The following LMTK3 variants were observed in gnomAD, a reference collection of about 807,000 sequenced individuals.
The protein encoded by LMTK3 is lemur tail kinase 3, also known as serine/threonine-protein kinase LMTK3.
LMTK3 carries 27 observed loss-of-function variants against 116.7 expected under a neutral mutation model. That is an observed-to-expected ratio of 0.23 (90% confidence interval 0.17 to 0.32). The LOEUF (loss-of-function observed/expected upper bound fraction) is 0.32. Ranked by LOEUF, LMTK3 falls within the 10% of genes least tolerant of loss-of-function variation. The pLI is 1.00. For synonymous variants in LMTK3, 965 were observed against 971.0 expected, an observed-to-expected ratio of 0.99 and a Z score of 0.11; for missense variants, 1,764 against 2,068.5, an observed-to-expected ratio of 0.85 and a Z score of 2.86.
chr19:48,511,076 A>G (rs2014702926), intron 1 of LMTK3, among the ~76,000 whole-genome samples: 1 of 152,016 alleles, frequency 6.6e-6, no homozygotes, highest in Admixed American at 6.5e-5. Flanking sequence ...CTTGGCGCAC[A>G]CCGATGTTCT....
intron 5 of LMTK3, among the ~76,000 whole-genome samples, chr19:48,504,482 T>TG (rs1972529673): frequency 1.3e-5 from 2 of 152,374 alleles, no homozygotes; most frequent in South Asian, 4.1e-4. Context: ...TGAGAGAAGC[T>TG]GGTATGTGCT....
intron 5 of LMTK3, among the ~76,000 whole-genome samples, chr19:48,508,558 A>G (rs551453584): frequency 1.3e-5 from 2 of 152,198 alleles, no homozygotes; most frequent in South Asian, 4.1e-4. Context: ...CCTCTTCATG[A>G]GGACACTAGG....
chr19:48,496,478 T>A (rs542089130), intron 11 of LMTK3, among the ~76,000 whole-genome samples: 72 of 152,134 alleles, frequency 4.7e-4, no homozygotes, highest in Non-Finnish European at 9.6e-4. Flanking sequence ...TTTGTATTTT[T>A]AATAGAGACA....
chr19:48,491,439 G>C lies in LMTK3; in HGVS notation c.4193C>G (p.Pro1398Arg). The C allele has an allele frequency of 7.0e-7, 1 of 1,427,412 alleles. No individual in the cohort carries two copies. Among genetic ancestry groups the C allele is most frequent in the Non-Finnish European group, 9.2e-7 (1 of 1,089,990 alleles). 88.4% of individuals were successfully genotyped at this position (1,427,412 alleles called of 1,614,324 possible). A position where few individuals can be genotyped will look rare whatever the true frequency, so the allele number is the denominator to read the frequency against. Residue 1398 changes from proline (P) to arginine (R), a missense_variant, in exon 13 of 15, where the codon CCC (proline) becomes CGC (arginine). Transcript: ENST00000600059. This position sits in a 1 kb window ranked among gnomAD's most constrained non-coding sequence, Gnocchi z 5.1. ...GTCGTTGCTGGGAAACCCATCTCCG[G>C]GGGTGGCGGGGTGGGGAGGTGTCGG... ...APPTPPHPATPGDGFPSNDSG... is the reference protein window; with the variant it reads ...APPTPPHPATRGDGFPSNDSG...
chr19:48,510,730 G>C, intron 1 of LMTK3, 138 bp from the exon 2 acceptor site: 2 of 1,008,478 alleles, frequency 2.0e-6, no homozygotes. Context: ...GAGGTGCAGA[G>C]TGGCCCAAGG....
In LMTK3 at chr19:48,509,474, C is replaced by T; in HGVS notation, c.401G>A (p.Ser134Asn). ...GCCACTCCCAATCTCCTGCAGGTAG[C>T]TCAGGTGCTGCCGGCTAAGGCCCAG... ...TPLGLSRQHL[S>N]YLQEIGSGWF... The change falls in exon 4 of 15, where the codon AGC becomes AAC. Residue 134 changes from serine to asparagine, a missense_variant. Coordinates refer to ENST00000600059, the MANE Select transcript of LMTK3 (RefSeq NM_001388485.1). The T allele has an allele frequency of 6.4e-7, 1 of 1,560,818 alleles. No individual in the cohort carries two copies. The highest frequency in any genetic ancestry group is 8.7e-7 in the Non-Finnish European group (1 of 1,151,484).
chr19:48,503,271 C>G (rs1041733381), intron 5 of LMTK3, among the ~76,000 whole-genome samples: 3 of 152,188 alleles, frequency 2.0e-5, no homozygotes, highest in African/African-American at 7.2e-5. Flanking sequence ...TGGTCTCGAA[C>G]TCCTGACCTC....
At chr19:48,502,624 G>T (rs1373372628) in intron 6 of LMTK3, 43 bp from the exon 7 acceptor site, 2 of 1,512,142 alleles carry the variant, frequency 1.3e-6, no homozygotes, top group Non-Finnish European at 1.8e-6. Flanking sequence ...AGCCGCTCAG[G>T]TCTCCAGCTA....
chr19:48,491,368 T>C lies in LMTK3; in HGVS notation c.4228+36A>G. 8.5e-7 allele frequency: 1 copy of C among 1,181,822 alleles called. No homozygotes were observed. The allele number at this position is 1,181,822 out of a possible 1,614,324, so 73.2% of individuals were successfully genotyped here. A position where few individuals can be genotyped will look rare whatever the true frequency, so the allele number is the denominator to read the frequency against. On this transcript the variant is annotated intron_variant, in intron 13 of 14. Transcript: ENST00000600059. This position sits in a 1 kb window ranked among gnomAD's most constrained non-coding sequence, Gnocchi z 5.1. ...GACCCCGCCCCGTCCGCCCCATGGC[T>C]CCCGCCCCCTCCCGCCCCATAGGGC...
chr19:48,498,430 G>A lies in LMTK3; in HGVS notation c.2639C>T (p.Ala880Val), dbSNP rs759327551. ...VTRNLLGEKG[A>V]TARETGPRKA... ...CCTGGGTCCTGTCTCCCGGGCTGTC[G>A]CCCCCTTCTCCCCCAGGAGGTTCCT... Residue 880 changes from alanine to valine, a missense_variant, in exon 11 of 15, where the codon GCG (alanine) becomes GTG (valine). By Grantham distance (64) the Ala-to-Val change is moderately conservative. Coordinates refer to ENST00000600059, the MANE Select transcript of LMTK3 (RefSeq NM_001388485.1). 10 of 1,605,724 alleles carry A rather than the reference G, an allele frequency of 6.2e-6. No homozygotes were observed. The East Asian group carries it at 1.1e-4, about 18-fold the overall frequency.
chr19:48,511,804 G>C lies in LMTK3; in HGVS notation c.-228C>G, dbSNP rs1291445858. On this transcript the variant is annotated 5_prime_UTR_variant, in exon 1 of 15. Transcript: ENST00000600059. ...TGAAGGGATGGAGAGGCGGACAGAGGAGAGATGCTGGGGAGCCGGGGTTGC... is the reference window on the plus strand; with the variant it reads ...TGAAGGGATGGAGAGGCGGACAGAGCAGAGATGCTGGGGAGCCGGGGTTGC... 1.5e-5 allele frequency: 2 copies of C among 137,494 alleles called. No individual in the cohort carries two copies. Among genetic ancestry groups the C allele is most frequent in the African/African-American group, 5.4e-5 (2 of 37,248 alleles). The allele number at this position is 137,494 out of a possible 1,614,324, so 8.5% of individuals were successfully genotyped here. A position where few individuals can be genotyped will look rare whatever the true frequency, so the allele number is the denominator to read the frequency against.
chr19:48,487,680 A>C (rs1972149418), intron 14 of LMTK3, among the ~76,000 whole-genome samples: 1 of 152,034 alleles, frequency 6.6e-6, no homozygotes, highest in Non-Finnish European at 1.5e-5. Context: ...GAGCAGAATG[A>C]AAGCCCCATC....
chr19:48,499,417 G>T lies in LMTK3; in HGVS notation c.1652C>A (p.Pro551His). The T allele has an allele frequency of 2.7e-6, 4 of 1,455,852 alleles. No homozygotes were observed. The highest frequency in any genetic ancestry group is 3.6e-6 in the Non-Finnish European group (4 of 1,103,230). 90.2% of individuals were successfully genotyped at this position (1,455,852 alleles called of 1,614,324 possible). ...RLEEHGSPPE[P>H]LFPNDWDPLD... The stretch of plus-strand genomic sequence containing the variant: ...GGGGTCCCAGTCGTTGGGGAAGAGG[G>T]GCTCAGGAGGGGAGCCGTGCTCCTC... Residue 551 changes from proline to histidine, a missense_variant, in exon 11 of 15, where the codon CCC (proline) becomes CAC (histidine). Transcript: ENST00000600059.
At chr19:48,513,228 T>C, upstream of LMTK3, 1 of 1,438,914 alleles carries the variant, frequency 6.9e-7, no homozygotes, top group Non-Finnish European at 9.6e-7. The surrounding 1 kb of genome is among the most constrained non-coding windows in gnomAD (Gnocchi z 5.6). Flanking sequence ...AATGTATTTA[T>C]TCTTATGAGT....
Position 48,501,066 on chromosome 19 carries a change from C to T in LMTK3, c.1081G>A (p.Ala361Thr), listed in dbSNP as rs866983385. The T allele has an allele frequency of 3.2e-6, 5 of 1,568,686 alleles. No homozygotes were observed. The African/African-American group carries it at 6.8e-5, about 21-fold the overall frequency. Residue 361 changes from alanine (A) to threonine (T), a missense_variant, in exon 10 of 15, where the codon GCC (alanine) becomes ACC (threonine). Physicochemically the swap from Ala to Thr is moderately conservative, Grantham distance 58. This residue lies in a region of LMTK3 where 271 missense variants were observed against 478.2 expected (regional missense o/e 0.57). Transcript: ENST00000600059. ...ACATGCTGCTGGCGGACCACGAAGG[C>T]GAGGACCTCCTCGTCTGACAGGTGG... is the stretch of plus-strand genomic sequence containing the variant. ...YRHLSDEEVL[A>T]FVVRQQHVKL...
In LMTK3 at chr19:48,501,355, G is replaced by T; in HGVS notation, c.929C>A (p.Ala310Glu). The change falls in exon 9 of 15, where the codon GCG becomes GAG. Residue 310 changes from alanine (A) to glutamate (E), a missense_variant. Transcript: ENST00000600059. ...PERLWIPLRW[A>E]APELLGELHG... is the part of the protein sequence containing the mutation. ...GAGCTCCCCGAGGAGCTCGGGCGCC[G>T]CCCAGCGCAGTGGGATCCACAGGCG... is the stretch of plus-strand genomic sequence containing the variant. The T allele has an allele frequency of 6.2e-7, 1 of 1,613,188 alleles. No homozygotes were observed. The highest frequency in any genetic ancestry group is 8.5e-7 in the Non-Finnish European group (1 of 1,179,764).
At position 48,510,514 on chromosome 19, in the gene LMTK3, A is replaced by G; in HGVS notation, c.155T>C (p.Phe52Ser). The change falls in exon 2 of 15, where the codon TTC (phenylalanine) becomes TCC (serine). Residue 52 changes from phenylalanine (F) to serine (S), a missense_variant. By Grantham distance (155) the Phe-to-Ser change is radical. Coordinates refer to ENST00000600059, the MANE Select transcript of LMTK3 (RefSeq NM_001388485.1). ...VLISCSGLLA[F>S]IFLLLTCLCC... is the part of the protein sequence containing the mutation. ...CAGACAGGTGAGGAGGAGGAAGATG[A>G]AGGCCAGCAGGCCGGAGCAGGAAAT... 6.3e-7 allele frequency: 1 copy of G among 1,599,734 alleles called. No individual in the cohort carries two copies. Among genetic ancestry groups the G allele is most frequent in the Non-Finnish European group, 8.5e-7 (1 of 1,173,378 alleles).
At chr19:48,496,669 A>G (rs1199167630) in intron 11 of LMTK3, among the ~76,000 whole-genome samples, 2 of 150,954 alleles carry the variant, frequency 1.3e-5, no homozygotes, top group Non-Finnish European at 3.0e-5. Flanking sequence ...GGCTGGTCTC[A>G]AACTCCTGAC....
At chr19:48,496,690 C>A (rs1205540543) in intron 11 of LMTK3, among the ~76,000 whole-genome samples, 1 of 152,094 alleles carries the variant, frequency 6.6e-6, no homozygotes, top group Non-Finnish European at 1.5e-5. Flanking sequence ...CTCAAGTGAT[C>A]CTCCTGCCTC....
Sources: gnomAD v4.1 joint callset for allele counts (sites outside exome capture counted in the v4.1 genomes callset) on GRCh38, gnomAD v4.1.1 for gene constraint, gnomAD v4.1.1 regional missense constraint, Gnocchi (gnomAD v3.1) non-coding constraint, MANE v1.5 for transcripts, NCBI Gene and HGNC (gene_info 2026-07-23, HGNC 2026-07-21) for gene names.